Variants in FOXP2 observed in about 807,000 individuals in gnomAD.
FOXP2 encodes forkhead box protein P2.
In FOXP2, 12 loss-of-function variants were observed where a neutral mutation model predicts 115.8. The observed-to-expected ratio is 0.10, with a 90% CI of 0.07 to 0.17. The LOEUF is 0.17. FOXP2 is among the 10% of genes least tolerant of loss of function. FOXP2 has a pLI of 1.00. For missense variants in FOXP2, 629 were observed against 843.5 expected, an observed-to-expected ratio of 0.75 and a Z score of 3.15; for synonymous variants, 328 against 297.7, an observed-to-expected ratio of 1.10 and a Z score of -1.05.
intron 1 of FOXP2, among the ~76,000 whole-genome samples, chr7:114,241,422 T>G (rs1354165151): frequency 6.6e-6 from 1 of 152,112 alleles, no homozygotes; most frequent in Non-Finnish European, 1.5e-5. Flanking sequence ...CTAATTACTA[T>G]TATGTTAAAA....
chr7:114,351,567 C>G (rs1791491076), intron 2 of FOXP2, among the ~76,000 whole-genome samples: 1 of 151,902 alleles, frequency 6.6e-6, no homozygotes, highest in South Asian at 2.1e-4. Flanking sequence ...TAAGTTTTAT[C>G]AAATATATTT....
At chr7:114,180,324 T>C (rs1423909938) in intron 1 of FOXP2, among the ~76,000 whole-genome samples, 5 of 152,004 alleles carry the variant, frequency 3.3e-5, no homozygotes, top group African/African-American at 4.8e-5. Flanking sequence ...AAGACTTTCT[T>C]GTGAGCCCTT....
upstream of FOXP2, among the ~76,000 whole-genome samples, chr7:114,162,098 A>G (rs2129150761): frequency 6.6e-6 from 1 of 152,228 alleles, no homozygotes; most frequent in South Asian, 2.1e-4. Context: ...TATTTGTCTT[A>G]ATTCTTAATT....
chr7:114,663,028 G>A (rs1381264554), intron 14 of FOXP2, among the ~76,000 whole-genome samples: 1 of 151,916 alleles, frequency 6.6e-6, no homozygotes, highest in Admixed American at 6.6e-5. Flanking sequence ...AATTAACTAT[G>A]GTAATTTGTT....
Position 114,690,810 on chromosome 7 carries a change from A to G in FOXP2, c.*884A>G. On this transcript the variant is annotated 3_prime_UTR_variant, in exon 17 of 17. Transcript: ENST00000350908. ...ACAGAAGCAGCCACATGCTTTGGTC[A>G]GCCTTCTGTAACTTCAATTAGTACA... is the stretch of plus-strand genomic sequence containing the variant. 2.2e-6 allele frequency: 1 copy of G among 454,560 alleles called. No individual in the cohort carries two copies. Among genetic ancestry groups the G allele is most frequent in the South Asian group, 1.6e-5 (1 of 64,480 alleles). 28.2% of individuals were successfully genotyped at this position (454,560 alleles called of 1,614,324 possible). A position where few individuals can be genotyped will look rare whatever the true frequency, so the allele number is the denominator to read the frequency against.
chr7:114,391,251 A>G (rs1428048895), intron 2 of FOXP2, among the ~76,000 whole-genome samples: 1 of 151,996 alleles, frequency 6.6e-6, no homozygotes, highest in Non-Finnish European at 1.5e-5. Context: ...CTAAGCCCAC[A>G]TTTCCATTTG....
chr7:114,642,086 G>A (rs940956729), intron 6 of FOXP2, among the ~76,000 whole-genome samples: 3 of 152,040 alleles, frequency 2.0e-5, no homozygotes, highest in Admixed American at 1.3e-4. Context: ...GATTACAGGC[G>A]TGAGCCACCA....
intron 2 of FOXP2, among the ~76,000 whole-genome samples, chr7:114,445,688 A>C (rs1308234683): frequency 3.3e-5 from 5 of 152,168 alleles, no homozygotes; most frequent in Non-Finnish European, 7.4e-5. Flanking sequence ...AATAATGTGA[A>C]AACAATATAC....
At chr7:114,457,748 A>G (rs1205465105) in intron 2 of FOXP2, among the ~76,000 whole-genome samples, 1 of 152,060 alleles carries the variant, frequency 6.6e-6, no homozygotes, top group African/African-American at 2.4e-5. Flanking sequence ...AATACAAAAA[A>G]CTAGCCAGGC....
intron 2 of FOXP2, among the ~76,000 whole-genome samples, chr7:114,406,480 A>G (rs1793040329): frequency 6.6e-6 from 1 of 151,956 alleles, no homozygotes; most frequent in Non-Finnish European, 1.5e-5. Context: ...TTGAATCCTT[A>G]TCATATGCAT....
chr7:114,608,297 TG>T (rs755152593), intron 3 of FOXP2, among the ~76,000 whole-genome samples: 5 of 152,228 alleles, frequency 3.3e-5, no homozygotes, highest in Non-Finnish European at 5.9e-5. Flanking sequence ...TGGTCTCACC[TG>T]GAAGTTTTTC....
intron 2 of FOXP2, among the ~76,000 whole-genome samples, chr7:114,384,199 G>T (rs1221822125): frequency 2.0e-5 from 3 of 152,160 alleles, no homozygotes; most frequent in Non-Finnish European, 4.4e-5. Context: ...GGATTCTAGT[G>T]GTCCTTTACC....
chr7:114,548,391 G>A (rs1800038352), intron 3 of FOXP2, among the ~76,000 whole-genome samples: 1 of 152,144 alleles, frequency 6.6e-6, no homozygotes, highest in South Asian at 2.1e-4. Context: ...GGCTCTTTTG[G>A]TAGAGAAAAA....
At chr7:114,196,119 T>C (rs886975669) in intron 1 of FOXP2, among the ~76,000 whole-genome samples, 4 of 152,082 alleles carry the variant, frequency 2.6e-5, no homozygotes, top group Non-Finnish European at 4.4e-5. Flanking sequence ...TTCAAGTGAT[T>C]CTCCTGCCTC....
intron 1 of FOXP2, among the ~76,000 whole-genome samples, chr7:114,107,940 A>G (rs1791164461): frequency 6.6e-6 from 1 of 151,940 alleles, no homozygotes; most frequent in Non-Finnish European, 1.5e-5. Context: ...AAGTCAATAT[A>G]TGGTAAAAAA....
chr7:114,413,401 G>T (rs1166708508), upstream of FOXP2, among the ~76,000 whole-genome samples: 1 of 148,364 alleles, frequency 6.7e-6, no homozygotes, highest in Admixed American at 6.7e-5. Flanking sequence ...TTCACAATCT[G>T]ATAAAAAAAT....
intron 3 of FOXP2, among the ~76,000 whole-genome samples, chr7:114,613,391 G>A (rs1039060217): frequency 4.6e-5 from 7 of 151,894 alleles, no homozygotes; most frequent in African/African-American, 1.5e-4. Flanking sequence ...AATATATTTT[G>A]GAGGCCGGGC....
chr7:114,189,847 C>T (rs1793710706), intron 1 of FOXP2, among the ~76,000 whole-genome samples: 1 of 152,098 alleles, frequency 6.6e-6, no homozygotes, highest in Non-Finnish European at 1.5e-5. Flanking sequence ...TCACTTTTGG[C>T]TCAACATGAT....
At chr7:114,086,867 G>T (rs1478466795), upstream of FOXP2, among the ~76,000 whole-genome samples, 1 of 152,154 alleles carries the variant, frequency 6.6e-6, no homozygotes, top group East Asian at 1.9e-4. Flanking sequence ...CTTTGTGATG[G>T]GGGAAAAAGG....
Sources: gnomAD v4.1 joint callset for allele counts (sites outside exome capture counted in the v4.1 genomes callset) on GRCh38, gnomAD v4.1.1 for gene constraint, MANE v1.5 for transcripts, NCBI Gene and HGNC (gene_info 2026-07-23, HGNC 2026-07-21) for gene names.